Variants in NT5C3A observed in about 807,000 individuals in gnomAD.
The protein encoded by NT5C3A is 5'-nucleotidase, cytosolic IIIA.
A neutral mutation model predicts 40.0 loss-of-function variants in NT5C3A; 23 were observed. The ratio of observed to expected loss-of-function variants is 0.58; its 90% CI spans 0.41 to 0.81. NT5C3A has a LOEUF of 0.81. Ranked by LOEUF, NT5C3A falls within the 40% of genes least tolerant of loss-of-function variation. The pLI, the probability that NT5C3A is intolerant of heterozygous loss-of-function variation, is 0.00. For missense variants in NT5C3A, 328 were observed against 403.0 expected (o/e 0.81, Z 1.59); for synonymous variants, 130 against 141.4 (o/e 0.92, Z 0.57).
intron 1 of NT5C3A, among the ~76,000 whole-genome samples, chr7:33,051,205 C>T (rs186768393): frequency 1.3e-3 from 198 of 151,166 alleles, no homozygotes; most frequent in African/African-American, 4.6e-3. Context: ...ACTCTGTTGC[C>T]CAGGCTGGAG....
At chr7:33,031,464 T>G (rs1237219450) in intron 1 of NT5C3A, among the ~76,000 whole-genome samples, 1 of 151,944 alleles carries the variant, frequency 6.6e-6, no homozygotes, top group Non-Finnish European at 1.5e-5. Context: ...GGTGCACATC[T>G]GTAGTCCCAG....
intron 7 of NT5C3A, chr7:33,017,102 G>C (rs900821706): frequency 8.8e-6 from 2 of 226,574 alleles, no homozygotes; most frequent in African/African-American, 2.3e-5. Flanking sequence ...AGAATTGCTT[G>C]AACCCAGGAG....
intron 7 of NT5C3A, among the ~76,000 whole-genome samples, chr7:33,016,134 G>A (rs1839120635): frequency 6.6e-6 from 1 of 152,090 alleles, no homozygotes; most frequent in South Asian, 2.1e-4. Flanking sequence ...CCAGCACTTT[G>A]GGAGGCCAAG....
chr7:33,018,559 C>G (rs2127994145), intron 6 of NT5C3A, among the ~76,000 whole-genome samples: 1 of 152,272 alleles, frequency 6.6e-6, no homozygotes, highest in South Asian at 2.1e-4. Context: ...CAGTATTAAA[C>G]AGGCTCTTGG....
At chr7:33,021,149 C>T in intron 5 of NT5C3A, 123 bp downstream of exon 5, 1 of 1,305,174 alleles carries the variant, frequency 7.7e-7, no homozygotes. Flanking sequence ...ATTCAATGCT[C>T]TAACTTGCAT....
At chr7:33,056,991 G>A (rs1402937187) in intron 1 of NT5C3A, among the ~76,000 whole-genome samples, 1 of 151,810 alleles carries the variant, frequency 6.6e-6, no homozygotes. Context: ...TTTTGTATTT[G>A]TAGTAGAGAT....
intron 1 of NT5C3A, among the ~76,000 whole-genome samples, chr7:33,040,087 C>T (rs1786840158): frequency 6.6e-6 from 1 of 152,024 alleles, no homozygotes; most frequent in Admixed American, 6.6e-5. Flanking sequence ...TTCTTCTGTC[C>T]TTGAATTTGT....
chr7:33,039,555 GT>G (rs776873396), intron 1 of NT5C3A, among the ~76,000 whole-genome samples: 6 of 70,034 alleles, frequency 8.6e-5, no homozygotes, highest in African/African-American at 3.5e-4. Context: ...TTAAGCTTGG[GT>G]TTTTTGTTTT....
intron 1 of NT5C3A, 145 bp from the exon 2 acceptor site, chr7:33,027,060 G>A (rs781497183): frequency 1.4e-4 from 81 of 597,488 alleles, no homozygotes; most frequent in Admixed American, 5.6e-4. Context: ...TCAAATTACC[G>A]TTTATTTATT....
rs1158708826 is a variant in NT5C3A at position 33,022,339 on chromosome 7, G to C, written c.308-240C>G. Among the ~76,000 whole-genome samples the C allele has an allele frequency of 1.3e-5, 2 of 152,220 alleles. 1 individual carries two copies. The highest frequency in any genetic ancestry group is 4.1e-4 in the South Asian group (2 of 4,830). On this transcript the variant is annotated intron_variant, in intron 3 of 8. Coordinates refer to ENST00000610140, the MANE Select transcript of NT5C3A (RefSeq NM_001002010.5). ...AAAATCTGAGATTCAGTGACTGCTCGCTTACATCACTGAGATAGACAATTC... is the reference window on the plus strand; with the variant it reads ...AAAATCTGAGATTCAGTGACTGCTCCCTTACATCACTGAGATAGACAATTC...
chr7:33,043,247 A>C (rs765559123), intron 1 of NT5C3A, among the ~76,000 whole-genome samples: 1 of 152,210 alleles, frequency 6.6e-6, no homozygotes, highest in East Asian at 1.9e-4. Flanking sequence ...AAAAGTTATA[A>C]TATCTACAGC....
chr7:33,037,431 T>C (rs1346114982), intron 1 of NT5C3A, among the ~76,000 whole-genome samples: 1 of 152,206 alleles, frequency 6.6e-6, no homozygotes, highest in Non-Finnish European at 1.5e-5. Flanking sequence ...TAAAGCACTA[T>C]TTAAAAATGG....
At chr7:33,053,786 A>T (rs1183913137) in intron 1 of NT5C3A, among the ~76,000 whole-genome samples, 1 of 152,166 alleles carries the variant, frequency 6.6e-6, no homozygotes, top group Non-Finnish European at 1.5e-5. Flanking sequence ...CTGTTAGGTA[A>T]ATGAATTCAC....
intron 7 of NT5C3A, among the ~76,000 whole-genome samples, chr7:33,016,474 T>C (rs1450455118): frequency 3.3e-5 from 5 of 149,668 alleles, no homozygotes; most frequent in Non-Finnish European, 5.9e-5. Flanking sequence ...GATCAGACCA[T>C]CCTGACCAAC....
At chr7:33,034,524 G>T (rs934330351) in intron 1 of NT5C3A, among the ~76,000 whole-genome samples, 6 of 152,194 alleles carry the variant, frequency 3.9e-5, no homozygotes, top group Admixed American at 3.9e-4. Context: ...CAATTCCAAT[G>T]AATCAAGTGC....
At chr7:33,045,462 A>T (rs567362352) in intron 1 of NT5C3A, among the ~76,000 whole-genome samples, 35 of 146,414 alleles carry the variant, frequency 2.4e-4, no homozygotes, top group African/African-American at 3.7e-4. Flanking sequence ...CAAATGAAAA[A>T]TTTTTTTTTT....
intron 3 of NT5C3A, among the ~76,000 whole-genome samples, chr7:33,023,362 G>A (rs1388138570): frequency 6.6e-6 from 1 of 151,938 alleles, no homozygotes; most frequent in Non-Finnish European, 1.5e-5. Flanking sequence ...GGGTTCAAGT[G>A]ATTCTCCTGC....
intron 1 of NT5C3A, among the ~76,000 whole-genome samples, chr7:33,041,333 T>A (rs1583948973): frequency 1.3e-5 from 2 of 152,234 alleles, no homozygotes; most frequent in African/African-American, 4.8e-5. Context: ...GGGGAATTAT[T>A]GCTCAATGGA....
intron 8 of NT5C3A, 140 bp downstream of exon 8, chr7:33,015,530 T>C: frequency 1.6e-6 from 1 of 633,328 alleles, no homozygotes; most frequent in East Asian, 2.7e-5. Context: ...ATCACTACAC[T>C]CTAGCCTCGG....
Sources: allele counts gnomAD v4.1 joint callset (sites outside exome capture counted in the v4.1 genomes callset), GRCh38; gene constraint gnomAD v4.1.1; transcripts MANE v1.5; gene names NCBI Gene and HGNC (gene_info 2026-07-23, HGNC 2026-07-21).